Variants in WDR45 observed in about 807,000 individuals in gnomAD.
WDR45 encodes WD repeat domain 45, also known as WD repeat domain phosphoinositide-interacting protein 4.
In WDR45, 2 loss-of-function variants were observed where a neutral mutation model predicts 27.3. That is an observed-to-expected ratio of 0.07 (90% confidence interval 0.03 to 0.23). The LOEUF is 0.23. WDR45 is among the 10% of genes least tolerant of loss of function. The pLI, the probability that WDR45 is intolerant of heterozygous loss-of-function variation, is 1.00. For synonymous variants in WDR45, 99 were observed against 119.2 expected (o/e 0.83, Z 1.11); for missense variants, 175 against 311.9 (o/e 0.56, Z 3.31).
chrX:49,095,298 G>T (rs1466124259), intron 2 of WDR45, among the ~76,000 whole-genome samples: 1 of 109,832 alleles, frequency 9.1e-6, no homozygotes, highest in South Asian at 4.0e-4. Context: ...GATTGCTTGA[G>T]CCCAGGAGTT....
intron 2 of WDR45, among the ~76,000 whole-genome samples, chrX:49,094,056 G>T (rs782230663): frequency 1.8e-5 from 2 of 111,318 alleles, no homozygotes; most frequent in Admixed American, 1.9e-4. Flanking sequence ...TGGCCAGGCT[G>T]GTCTCATAGG....
At chrX:49,090,721 A>C in intron 2 of WDR45, among the ~76,000 whole-genome samples, 1 of 106,073 alleles carries the variant, frequency 9.4e-6, no homozygotes, top group East Asian at 3.1e-4. Context: ...TATTTTTAAC[A>C]TGGGCAGAGT....
At chrX:49,096,292 G>A (rs1327809725) in intron 2 of WDR45, among the ~76,000 whole-genome samples, 3 of 110,441 alleles carry the variant, frequency 2.7e-5, no homozygotes, top group Non-Finnish European at 5.7e-5. Flanking sequence ...GTGCAGTGGC[G>A]TAATCATGGC....
chrX:49,093,526 CTTCT>C (rs1557086907), intron 2 of WDR45, among the ~76,000 whole-genome samples: 1 of 102,053 alleles, frequency 9.8e-6, no homozygotes, highest in Non-Finnish European at 2.0e-5. Flanking sequence ...CACAATCAGC[CTTCT>C]TTTTTTTTTT....
chrX:49,076,749 C>G lies in WDR45; in HGVS notation c.237G>C (p.Val79=). ...CCTCCCGGGCATCGTCCCAGATCAG[C>G]ACTGCTGGGCAGGTGGGTGGGTTGT... is the stretch of plus-strand genomic sequence containing the variant. ...GSSPKFSEIS[V]LIWDDAREGK... Residue 79 remains valine, a splice_region_variant and synonymous_variant, in exon 5 of 11, where the codon GTG becomes GTC. Coordinates refer to ENST00000376372, the MANE Select transcript of WDR45 (RefSeq NM_001029896.2). 1.7e-6 allele frequency: 2 copies of G among 1,199,707 alleles called. No individual in the cohort carries two copies. Among genetic ancestry groups the G allele is most frequent in the Non-Finnish European group, 2.3e-6 (2 of 888,523 alleles).
upstream of WDR45, among the ~76,000 whole-genome samples, chrX:49,084,061 T>C (rs1252523365): frequency 4.5e-4 from 45 of 100,396 alleles, 1 homozygote; most frequent in East Asian, 0.013. Context: ...TTCTTTTTTT[T>C]TTTTTTTTGA....
At chrX:49,078,238 C>T (rs1602540961) in intron 1 of WDR45, 126 bp from the exon 2 acceptor site, 1 of 673,184 alleles carries the variant, frequency 1.5e-6, no homozygotes, top group East Asian at 3.5e-5. Context: ...AAGATAAAAA[C>T]AGGCCAGGCG....
chrX:49,089,053 C>A (rs2065095670), intron 2 of WDR45, among the ~76,000 whole-genome samples: 1 of 112,026 alleles, frequency 8.9e-6, no homozygotes, highest in African/African-American at 3.2e-5. Flanking sequence ...TTTGGGAGGC[C>A]AAGGTGGGTG....
chrX:49,094,393 C>T (rs967453254), intron 2 of WDR45, among the ~76,000 whole-genome samples: 1 of 110,812 alleles, frequency 9.0e-6, no homozygotes, highest in Non-Finnish European at 1.9e-5. Context: ...TGCTTGAACC[C>T]GGGAGTTTGA....
chrX:49,084,029 C>T (rs1202881135), upstream of WDR45, among the ~76,000 whole-genome samples: 2 of 104,883 alleles, frequency 1.9e-5, no homozygotes, highest in Non-Finnish European at 3.9e-5. Flanking sequence ...TGCTTAATTC[C>T]CCTCCATTTT....
intron 2 of WDR45, among the ~76,000 whole-genome samples, chrX:49,091,212 G>A (rs2065103850): frequency 1.8e-5 from 2 of 110,503 alleles, no homozygotes; most frequent in Admixed American, 1.9e-4. Context: ...AGGCTGAGGC[G>A]GGTGGATCAC....
intron 2 of WDR45, among the ~76,000 whole-genome samples, chrX:49,089,800 AAAAG>A (rs2065098322): frequency 9.4e-6 from 1 of 106,075 alleles, no homozygotes; most frequent in African/African-American, 3.5e-5. Flanking sequence ...AAAAAAAAAA[AAAAG>A]AAAAGAAGAG....
Position 49,075,168 on chromosome X carries a change from C to T in WDR45, c.941G>A (p.Arg314His), listed in dbSNP as rs782736017. The T allele has an allele frequency of 2.0e-5, 24 of 1,210,957 alleles. No individual in the cohort carries two copies. The Admixed American group carries it at 4.3e-4, about 22-fold the overall frequency. Residue 314 changes from arginine to histidine, a missense_variant, in exon 10 of 11, where the codon CGC becomes CAC. Physicochemically the swap from Arg to His is conservative, Grantham distance 29. Transcript: ENST00000376372. ...AGAGTTGACGTTCTTGGAAGTATTGCGACCGAAGGCGCAGATGCAAGCTGA... is the reference window on the plus strand; with the variant it reads ...AGAGTTGACGTTCTTGGAAGTATTGTGACCGAAGGCGCAGATGCAAGCTGA... ...AESACICAFG[R>H]NTSKNVNSVI...
intron 2 of WDR45, among the ~76,000 whole-genome samples, chrX:49,097,330 G>GGT (rs1212343139): frequency 4.4e-5 from 4 of 91,842 alleles, no homozygotes; most frequent in Non-Finnish European, 8.3e-5. Context: ...CCAGCTAATT[G>GGT]TTTTTTTTTT....
intron 2 of WDR45, among the ~76,000 whole-genome samples, chrX:49,095,491 T>C (rs2065121493): frequency 9.1e-6 from 1 of 109,728 alleles, no homozygotes; most frequent in African/African-American, 3.3e-5. Flanking sequence ...GATGGAGTCT[T>C]GCTCTGTTGT....
chrX:49,078,857 G>C (rs185337382), intron 1 of WDR45, among the ~76,000 whole-genome samples: 1 of 112,380 alleles, frequency 8.9e-6, no homozygotes, highest in Admixed American at 9.4e-5. Context: ...AGTGGGCTAG[G>C]AGATGCACTT....
rs782179321 is a variant in WDR45 at position 49,074,920 on chromosome X, AG to A, written c.974-9del. On this transcript the variant is annotated splice_polypyrimidine_tract_variant and intron_variant, in intron 10 of 10. Coordinates refer to ENST00000376372, the MANE Select transcript of WDR45 (RefSeq NM_001029896.2). ...TCCCATCTACGCAGATGGCTGGGGG[AG>A]GGGGGGTGGTAAAAGGTCAGAGGCT... The A allele has an allele frequency of 2.3e-5, 27 of 1,180,848 alleles. No individual in the cohort carries two copies. Among genetic ancestry groups the A allele is most frequent in the Middle Eastern group, 2.3e-4 (1 of 4,292 alleles).
At chrX:49,075,807 A>G in intron 7 of WDR45, 54 bp from the exon 8 acceptor site, 1 of 1,197,535 alleles carries the variant, frequency 8.4e-7, no homozygotes, top group Non-Finnish European at 1.1e-6. Context: ...GAAGGGGCCA[A>G]GAGTCCACAA....
At chrX:49,089,221 G>A (rs781973322) in intron 2 of WDR45, among the ~76,000 whole-genome samples, 2 of 111,628 alleles carry the variant, frequency 1.8e-5, no homozygotes, top group Admixed American at 1.9e-4. Flanking sequence ...TCAGGAGGCG[G>A]AAGCTGCAGT....
Sources: gnomAD v4.1 joint callset for allele counts (sites outside exome capture counted in the v4.1 genomes callset) on GRCh38, gnomAD v4.1.1 for gene constraint, MANE v1.5 for transcripts, NCBI Gene and HGNC (gene_info 2026-07-23, HGNC 2026-07-21) for gene names.